Variants in LUZP2 observed in about 807,000 individuals in gnomAD.
LUZP2 encodes leucine zipper protein 2.
Under a neutral mutation model 51.6 loss-of-function variants are expected in LUZP2, and 52 were observed. The ratio of observed to expected loss-of-function variants is 1.01; its 90% CI spans 0.81 to 1.27. The LOEUF (loss-of-function observed/expected upper bound fraction) is 1.27. Among genes scored for constraint, LUZP2 ranks in the 50% most tolerant of loss-of-function variants. The pLI is 0.00. For missense variants in LUZP2, 436 were observed against 395.4 expected, an observed-to-expected ratio of 1.10 and a Z score of -0.87; for synonymous variants, 154 against 137.3, an observed-to-expected ratio of 1.12 and a Z score of -0.85.
intron 1 of LUZP2, among the ~76,000 whole-genome samples, chr11:24,575,332 T>C (rs1259337942): frequency 6.6e-6 from 1 of 152,162 alleles, no homozygotes; most frequent in Non-Finnish European, 1.5e-5. Context: ...AGTTATTGTT[T>C]CTTTTCCTAT....
intron 4 of LUZP2, among the ~76,000 whole-genome samples, chr11:24,745,000 C>T (rs1264726639): frequency 1.3e-5 from 2 of 152,078 alleles, no homozygotes; most frequent in African/African-American, 4.8e-5. Context: ...ATTTAATTTC[C>T]ATGTATTTGC....
At chr11:24,650,034 C>T (rs1855580029) in intron 1 of LUZP2, among the ~76,000 whole-genome samples, 1 of 151,056 alleles carries the variant, frequency 6.6e-6, no homozygotes. Context: ...TTTCTTACTT[C>T]TGCTGATCAT....
intron 1 of LUZP2, among the ~76,000 whole-genome samples, chr11:24,641,377 A>G (rs6484062): frequency 0.4 from 60,169 of 151,534 alleles, 12,762 homozygotes; most frequent in African/African-American, 0.53. Context: ...CTTTGCATAG[A>G]GACACACAAT....
rs1307974968 is a variant in LUZP2, at chr11:24,954,581, C to T, written c.523-22010C>T. Among the ~76,000 whole-genome samples, 9 of 151,978 alleles carry T rather than the reference C, an allele frequency of 5.9e-5. 1 individual carries two copies. The East Asian group carries it at 1.7e-3, about 29-fold the overall frequency. ...CCAAATATGTTTGGACTCATTGCCT[C>T]CTTTCTAGCTGAATCTATGAGACTG... On this transcript the variant is annotated intron_variant, in intron 7 of 11. Transcript: ENST00000336930.
At chr11:24,972,662 C>T (rs1413588475) in intron 7 of LUZP2, among the ~76,000 whole-genome samples, 1 of 151,936 alleles carries the variant, frequency 6.6e-6, no homozygotes, top group East Asian at 1.9e-4. Context: ...AGGCCTTTTT[C>T]TGTGTCTATT....
In LUZP2 at chr11:24,870,258, C is replaced by T. The variant is rs1471772329; in HGVS notation, c.397-35733C>T. Among the ~76,000 whole-genome samples, 3 of 152,136 alleles carry T rather than the reference C, an allele frequency of 2.0e-5. No individual in the cohort carries two copies. In the East Asian group the frequency reaches 5.8e-4, roughly 29 times the overall value. On this transcript the variant is annotated intron_variant, in intron 5 of 11. Transcript: ENST00000336930. ...TTCTGCTCTTTCACCTCTTGCACAACCACATTGCCTAAGCCTCTCAATCAT... is the reference window on the plus strand; with the variant it reads ...TTCTGCTCTTTCACCTCTTGCACAATCACATTGCCTAAGCCTCTCAATCAT...
At chr11:25,018,037 G>GTTTTT (rs1410360304) in intron 9 of LUZP2, among the ~76,000 whole-genome samples, 27 of 131,106 alleles carry the variant, frequency 2.1e-4, no homozygotes, top group East Asian at 1.0e-3. Flanking sequence ...TTTTGTTTCT[G>GTTTTT]TTTTTTTTTT....
intron 1 of LUZP2, among the ~76,000 whole-genome samples, chr11:24,573,272 T>C (rs1279997424): frequency 3.9e-5 from 6 of 152,054 alleles, no homozygotes; most frequent in Admixed American, 2.0e-4. Context: ...TGCTTCTTCG[T>C]GGTTCTTACA....
intron 1 of LUZP2, among the ~76,000 whole-genome samples, chr11:24,614,349 ACT>A (rs1854219819): frequency 6.6e-6 from 1 of 151,900 alleles, no homozygotes; most frequent in South Asian, 2.1e-4. Flanking sequence ...CTTTTTCTGA[ACT>A]TGTGTTACTT....
At chr11:24,929,183 TG>T (rs1232294724) in intron 7 of LUZP2, among the ~76,000 whole-genome samples, 1 of 151,986 alleles carries the variant, frequency 6.6e-6, no homozygotes, top group African/African-American at 2.4e-5. Flanking sequence ...ATCAGCTTTT[TG>T]CTTATCTTTT....
At chr11:24,995,774 C>G (rs1565204082) in intron 9 of LUZP2, among the ~76,000 whole-genome samples, 1 of 151,840 alleles carries the variant, frequency 6.6e-6, no homozygotes, top group Non-Finnish European at 1.5e-5. Flanking sequence ...TATCAGCATG[C>G]TCTAAATTCA....
chr11:24,741,501 G>T (rs546147954), intron 4 of LUZP2, among the ~76,000 whole-genome samples: 51 of 151,694 alleles, frequency 3.4e-4, no homozygotes, highest in African/African-American at 1.2e-3. Flanking sequence ...GTGAGATTTT[G>T]GTGCACCCAT....
chr11:24,680,853 C>A (rs1856709362), intron 1 of LUZP2, among the ~76,000 whole-genome samples: 1 of 152,182 alleles, frequency 6.6e-6, no homozygotes, highest in African/African-American at 2.4e-5. Flanking sequence ...ACTTCAAAGT[C>A]CATACGTTTT....
At chr11:24,921,213 G>T (rs533262591) in intron 7 of LUZP2, among the ~76,000 whole-genome samples, 32 of 152,170 alleles carry the variant, frequency 2.1e-4, no homozygotes, top group African/African-American at 7.2e-4. Context: ...GACAGAGGGA[G>T]GGGGGCTCGG....
At chr11:25,041,015 G>C (rs1858037569) in intron 9 of LUZP2, among the ~76,000 whole-genome samples, 3 of 152,170 alleles carry the variant, frequency 2.0e-5, no homozygotes, top group South Asian at 4.1e-4. Flanking sequence ...TACAGGCTAT[G>C]TGCCCTTCAT....
chr11:24,631,822 TC>T (rs1854901722), intron 1 of LUZP2, among the ~76,000 whole-genome samples: 1 of 152,032 alleles, frequency 6.6e-6, no homozygotes, highest in Admixed American at 6.6e-5. Context: ...TCCTGGCTTT[TC>T]TTTTTTGAGA....
At chr11:24,706,556 T>C (rs564774632) in intron 1 of LUZP2, among the ~76,000 whole-genome samples, 5 of 152,128 alleles carry the variant, frequency 3.3e-5, no homozygotes, top group Non-Finnish European at 5.9e-5. Context: ...TTGTCTAATA[T>C]CTCCTGTGTA....
chr11:24,778,320 TG>T (rs1233268983), intron 5 of LUZP2, among the ~76,000 whole-genome samples: 1 of 152,128 alleles, frequency 6.6e-6, no homozygotes, highest in African/African-American at 2.4e-5. Flanking sequence ...GAGGCTGAGG[TG>T]AAGGGATCTC....
chr11:24,837,239 G>C (rs1564966208), intron 5 of LUZP2, among the ~76,000 whole-genome samples: 1 of 151,536 alleles, frequency 6.6e-6, no homozygotes, highest in African/African-American at 2.4e-5. Context: ...CCAATTCATT[G>C]ACTTGTTAAA....
Sources: gnomAD v4.1 joint callset for allele counts (sites outside exome capture counted in the v4.1 genomes callset) on GRCh38, gnomAD v4.1.1 for gene constraint, MANE v1.5 for transcripts, NCBI Gene and HGNC (gene_info 2026-07-23, HGNC 2026-07-21) for gene names.